The following LOXHD1 variants were observed in gnomAD, a reference collection of about 807,000 sequenced individuals.
LOXHD1 encodes the protein lipoxygenase homology PLAT domains 1, also known as lipoxygenase homology domain-containing protein 1.
LOXHD1 carries 205 observed loss-of-function variants against 248.2 expected under a neutral mutation model. The ratio of observed to expected loss-of-function variants is 0.83; its 90% CI spans 0.74 to 0.93. The LOEUF (loss-of-function observed/expected upper bound fraction) is 0.93. LOXHD1 is among the 40% of genes least tolerant of loss of function. LOXHD1 has a pLI of 0.00. For synonymous variants in LOXHD1, 1,113 were observed against 1,162.8 expected (o/e 0.96, Z 0.87); for missense variants, 2,930 against 2,971.6 (o/e 0.99, Z 0.33).
At chr18:46,530,603 C>G (rs756869395) in intron 28 of LOXHD1, among the ~76,000 whole-genome samples, 2 of 152,104 alleles carry the variant, frequency 1.3e-5, no homozygotes, top group Non-Finnish European at 2.9e-5. Flanking sequence ...CCCTCCCTGC[C>G]GTGAATGAGA....
At position 46,517,131 on chromosome 18, in the gene LOXHD1, A is replaced by G. The variant is rs1033493845; in HGVS notation, c.5399+998T>C. ...GCTGTGGGTGGGTTTTTAAAATGTT[A>G]AGCTTAGGATCCGAGTCTGTCATCT... On this transcript the variant is annotated intron_variant, in intron 34 of 40. Transcript: ENST00000642948. 3.3e-5 allele frequency among the ~76,000 whole-genome samples: 5 copies of G among 152,148 alleles called. No individual in the cohort carries two copies. In the South Asian group the frequency reaches 1.0e-3, roughly 32 times the overall value.
intron 4 of LOXHD1, among the ~76,000 whole-genome samples, chr18:46,619,023 T>A (rs1297288497): frequency 6.6e-6 from 1 of 152,116 alleles, no homozygotes; most frequent in Non-Finnish European, 1.5e-5. Context: ...AAACTTGACA[T>A]GATGAGACCT....
intron 4 of LOXHD1, among the ~76,000 whole-genome samples, chr18:46,620,924 CAA>C (rs927162119): frequency 1.4e-4 from 22 of 151,928 alleles, no homozygotes; most frequent in African/African-American, 5.3e-4. Context: ...CATGCTCTGG[CAA>C]AGTCTGGAGA....
At chr18:46,639,082 T>C (rs1265402992) in intron 4 of LOXHD1, among the ~76,000 whole-genome samples, 1 of 152,178 alleles carries the variant, frequency 6.6e-6, no homozygotes, top group Non-Finnish European at 1.5e-5. Context: ...AAAATTAAAA[T>C]GATCGAATTT....
chr18:46,566,281 T>C lies in LOXHD1; in HGVS notation c.2413A>G (p.Ser805Gly). 4 of 1,550,894 alleles carry C rather than the reference T, an allele frequency of 2.6e-6. No individual in the cohort carries two copies. Among genetic ancestry groups the C allele is most frequent in the Non-Finnish European group, 3.5e-6 (4 of 1,146,078 alleles). ...DGRLEVELYP[S>G]EVVEIQKLVH... is the part of the protein sequence containing the mutation. Reference sequence around the variant, plus strand: ...CATTTCTGGATCTCCACCACCTCGCTGGGATACAGCTCCACCTCCAGGCGC... The same window carrying C: ...CATTTCTGGATCTCCACCACCTCGCCGGGATACAGCTCCACCTCCAGGCGC... Residue 805 changes from serine (S) to glycine (G), a missense_variant, in exon 17 of 41, where the codon AGC becomes GGC. By Grantham distance (56) the Ser-to-Gly change is moderately conservative. Transcript: ENST00000642948.
intron 7 of LOXHD1, 81 bp downstream of exon 7, chr18:46,604,025 C>T: frequency 1.3e-6 from 2 of 1,527,232 alleles, no homozygotes; most frequent in Non-Finnish European, 1.8e-6. Flanking sequence ...GATCACAGGC[C>T]TCCAGCCCCA....
At chr18:46,507,371 G>T (rs2034637824) in intron 36 of LOXHD1, among the ~76,000 whole-genome samples, 167 bp downstream of exon 36, 1 of 152,238 alleles carries the variant, frequency 6.6e-6, no homozygotes. Flanking sequence ...CCTGGGAGGA[G>T]ATGCTTTGTC....
chr18:46,591,819 TA>T, intron 12 of LOXHD1, 113 bp downstream of exon 12: 1 of 1,348,150 alleles, frequency 7.4e-7, no homozygotes, highest in Non-Finnish European at 1.0e-6. Flanking sequence ...TCTGGCACTC[TA>T]AGGGGCCTGA....
At chr18:46,533,888 G>A (rs1440174815) in intron 27 of LOXHD1, 2 of 171,200 alleles carry the variant, frequency 1.2e-5, no homozygotes, top group East Asian at 3.3e-4. Flanking sequence ...CCTGGGTGAT[G>A]GAGCAAGACT....
chr18:46,577,926 A>G (rs895844430), intron 13 of LOXHD1, 59 bp from the exon 14 acceptor site: 2 of 1,521,772 alleles, frequency 1.3e-6, no homozygotes, highest in Admixed American at 3.9e-5. Flanking sequence ...CCCAAACACC[A>G]AGGGAAGACA....
intron 1 of LOXHD1, among the ~76,000 whole-genome samples, chr18:46,651,237 T>C (rs1296619919): frequency 6.6e-6 from 1 of 152,144 alleles, no homozygotes; most frequent in Non-Finnish European, 1.5e-5. Context: ...TTTGATCTCC[T>C]TGGTTCTGAT....
At chr18:46,512,134 C>T (rs1460108690) in intron 34 of LOXHD1, among the ~76,000 whole-genome samples, 1 of 152,162 alleles carries the variant, frequency 6.6e-6, no homozygotes, top group African/African-American at 2.4e-5. Context: ...CTGAATTCTG[C>T]TAAAACATAG....
chr18:46,633,757 G>T (rs967558373), intron 4 of LOXHD1, among the ~76,000 whole-genome samples: 6 of 152,074 alleles, frequency 3.9e-5, no homozygotes, highest in Non-Finnish European at 7.4e-5. Context: ...TGTAACAGAG[G>T]TCTACAATTC....
intron 38 of LOXHD1, 22 bp from the exon 39 acceptor site, chr18:46,485,173 A>C: frequency 6.5e-7 from 1 of 1,543,016 alleles, no homozygotes; most frequent in Non-Finnish European, 8.8e-7. Context: ...GAGGTGGGGG[A>C]GGGTCAGCAC....
intron 28 of LOXHD1, among the ~76,000 whole-genome samples, chr18:46,530,601 G>T (rs1214763364): frequency 1.3e-5 from 2 of 152,120 alleles, no homozygotes; most frequent in Admixed American, 6.5e-5. Context: ...TCCCCTCCCT[G>T]CCGTGAATGA....
intron 26 of LOXHD1, among the ~76,000 whole-genome samples, chr18:46,536,296 G>A (rs911370368): frequency 4.6e-5 from 7 of 152,086 alleles, no homozygotes; most frequent in East Asian, 3.9e-4. Flanking sequence ...GAGAGGAAGC[G>A]GCTTCCTCCT....
At chr18:46,493,599 A>G (rs1435220485) in intron 37 of LOXHD1, among the ~76,000 whole-genome samples, 2 of 152,246 alleles carry the variant, frequency 1.3e-5, no homozygotes, top group Non-Finnish European at 2.9e-5. Context: ...GGATGGGAAA[A>G]AGAATTCAAA....
At chr18:46,483,777 G>T (rs1341884235) in intron 39 of LOXHD1, 32 bp from the exon 40 acceptor site, 1 of 1,543,682 alleles carries the variant, frequency 6.5e-7, no homozygotes, top group Non-Finnish European at 8.8e-7. Flanking sequence ...TCCATGAGCT[G>T]CCTTTGCCCA....
chr18:46,551,106 CTTTTT>C (rs1239620935), intron 21 of LOXHD1, among the ~76,000 whole-genome samples: 3 of 141,026 alleles, frequency 2.1e-5, no homozygotes, highest in African/African-American at 5.4e-5. Flanking sequence ...CTTTTCTTTT[CTTTTT>C]TTTTTTTTTG....
Sources: allele counts gnomAD v4.1 joint callset (sites outside exome capture counted in the v4.1 genomes callset), GRCh38; gene constraint gnomAD v4.1.1; transcripts MANE v1.5; gene names NCBI Gene and HGNC (gene_info 2026-07-23, HGNC 2026-07-21).